SH3PXD2B: variants seen among roughly 807,000 people sequenced by gnomAD.
SH3PXD2B encodes SH3 and PX domain-containing protein 2B.
In SH3PXD2B, 37 loss-of-function variants were observed where a neutral mutation model predicts 73.1. The observed-to-expected ratio is 0.51, with a 90% CI of 0.39 to 0.67. SH3PXD2B has a LOEUF of 0.67. Among genes scored for constraint, SH3PXD2B ranks in the 30% least tolerant of loss-of-function variants. The pLI is 0.00. For missense variants in SH3PXD2B, 1,053 were observed against 1,197.8 expected (o/e 0.88, Z 1.78); for synonymous variants, 457 against 480.5 (o/e 0.95, Z 0.64).
intron 2 of SH3PXD2B, among the ~76,000 whole-genome samples, chr5:172,419,264 G>A (rs544159750): frequency 1.3e-4 from 20 of 152,182 alleles, no homozygotes; most frequent in African/African-American, 4.3e-4. Flanking sequence ...GGGCCTGGAC[G>A]CGTGCCTCGA....
intron 8 of SH3PXD2B, among the ~76,000 whole-genome samples, chr5:172,357,465 A>G (rs1436410156): frequency 6.6e-6 from 1 of 152,046 alleles, no homozygotes; most frequent in Non-Finnish European, 1.5e-5. Flanking sequence ...GAGGGAAGAA[A>G]ATAAATGTAC....
intron 9 of SH3PXD2B, among the ~76,000 whole-genome samples, chr5:172,352,414 A>G (rs976641924): frequency 1.1e-4 from 17 of 151,844 alleles, no homozygotes; most frequent in African/African-American, 3.9e-4. Context: ...TTATGTAGAG[A>G]TGGGATCATG....
chr5:172,400,569 C>A (rs183435179), intron 3 of SH3PXD2B, among the ~76,000 whole-genome samples: 1 of 152,334 alleles, frequency 6.6e-6, no homozygotes, highest in Non-Finnish European at 1.5e-5. Flanking sequence ...CATGTCTGGA[C>A]TGCAAGTATG....
Position 172,336,608 on chromosome 5 carries a change from C to T in SH3PXD2B, c.*1761G>A. 1 of 985,020 alleles carries T rather than the reference C, an allele frequency of 1.0e-6. No homozygotes were observed. The highest frequency in any genetic ancestry group is 1.2e-6 in the Non-Finnish European group (1 of 829,752). 61.0% of individuals were successfully genotyped at this position (985,020 alleles called of 1,614,324 possible). A position where few individuals can be genotyped will look rare whatever the true frequency, so the allele number is the denominator to read the frequency against. On this transcript the variant is annotated 3_prime_UTR_variant, in exon 13 of 13. Coordinates refer to ENST00000311601, the MANE Select transcript of SH3PXD2B (RefSeq NM_001017995.3). ...TTTGGCACTGCAGGTAGACACTGAG[C>T]ATCCCCCCAAAAAACTGGCTTTGTG...
chr5:172,332,585 C>G (rs187572248), downstream of SH3PXD2B, among the ~76,000 whole-genome samples: 1 of 79,960 alleles, frequency 1.3e-5, no homozygotes, highest in East Asian at 3.9e-4. Context: ...AATGGGGACA[C>G]AGATTAATAT....
intron 5 of SH3PXD2B, among the ~76,000 whole-genome samples, chr5:172,379,686 CA>C (rs1757899452): frequency 6.6e-6 from 1 of 152,186 alleles, no homozygotes; most frequent in Non-Finnish European, 1.5e-5. Flanking sequence ...GAGCAGCTGG[CA>C]AAGTCTTAGA....
intron 6 of SH3PXD2B, among the ~76,000 whole-genome samples, chr5:172,373,580 G>GCATCCATCCATC (rs10625047): frequency 7.1e-4 from 105 of 147,776 alleles, no homozygotes; most frequent in African/African-American, 1.5e-3. Context: ...AATCAATCAA[G>GCATCCATCCATC]CATCCATCCA....
At chr5:172,388,149 A>G (rs1758097508) in intron 4 of SH3PXD2B, among the ~76,000 whole-genome samples, 1 of 152,230 alleles carries the variant, frequency 6.6e-6, no homozygotes, top group South Asian at 2.1e-4. Flanking sequence ...ATACTGCACT[A>G]TGTTAACTAC....
Position 172,336,106 on chromosome 5 carries a change from C to A in SH3PXD2B, c.*2263G>T, listed in dbSNP as rs1209532975. 3.0e-6 allele frequency: 3 copies of A among 987,900 alleles called. No individual in the cohort carries two copies. The African/African-American group carries it at 5.2e-5, about 17-fold the overall frequency. The allele number at this position is 987,900 out of a possible 1,614,324, so 61.2% of individuals were successfully genotyped here. A position where few individuals can be genotyped will look rare whatever the true frequency, so the allele number is the denominator to read the frequency against. On this transcript the variant is annotated 3_prime_UTR_variant, in exon 13 of 13. Transcript: ENST00000311601. Reference sequence around the variant, plus strand: ...AAAGCTCTTCCAGCCAGGGATGGAGCCACACACATCCCAGTCTACTCAGCA... The same window carrying A: ...AAAGCTCTTCCAGCCAGGGATGGAGACACACACATCCCAGTCTACTCAGCA...
intron 2 of SH3PXD2B, among the ~76,000 whole-genome samples, chr5:172,408,194 A>C (rs187635747): frequency 2.0e-5 from 3 of 151,574 alleles, no homozygotes; most frequent in African/African-American, 7.3e-5. Flanking sequence ...CGCTAGCTAC[A>C]GGTTTATTAA....
At chr5:172,443,002 G>A (rs773097030) in intron 1 of SH3PXD2B, among the ~76,000 whole-genome samples, 4 of 152,014 alleles carry the variant, frequency 2.6e-5, no homozygotes, top group Non-Finnish European at 2.9e-5. Flanking sequence ...GGAAACCCAC[G>A]GACCCCTTCT....
At chr5:172,384,518 C>T (rs1483237394) in intron 4 of SH3PXD2B, among the ~76,000 whole-genome samples, 1 of 152,110 alleles carries the variant, frequency 6.6e-6, no homozygotes, top group Non-Finnish European at 1.5e-5. Flanking sequence ...CAACAACTAC[C>T]CTTCCACCCT....
intron 5 of SH3PXD2B, among the ~76,000 whole-genome samples, chr5:172,376,856 T>C (rs1757833490): frequency 6.6e-6 from 1 of 151,976 alleles, no homozygotes; most frequent in Admixed American, 6.6e-5. Flanking sequence ...CCCAGAGAGG[T>C]GAGGTACCAG....
intron 10 of SH3PXD2B, among the ~76,000 whole-genome samples, chr5:172,348,875 TA>T (rs930945163): frequency 2.4e-4 from 36 of 152,018 alleles, no homozygotes; most frequent in Admixed American, 9.2e-4. Flanking sequence ...CCCAGCTAAT[TA>T]AAAAAAATTT....
intron 1 of SH3PXD2B, among the ~76,000 whole-genome samples, chr5:172,444,418 G>A (rs969825082): frequency 1.3e-5 from 2 of 152,136 alleles, no homozygotes; most frequent in African/African-American, 4.8e-5. Flanking sequence ...TCTGTCACAT[G>A]CAATCCCAGA....
chr5:172,329,063 A>ATG (rs1338959354), downstream of SH3PXD2B, among the ~76,000 whole-genome samples: 1 of 82,018 alleles, frequency 1.2e-5, no homozygotes, highest in Non-Finnish European at 2.4e-5. Flanking sequence ...GTGTGTGTAT[A>ATG]TATATATATA....
intron 4 of SH3PXD2B, among the ~76,000 whole-genome samples, chr5:172,391,526 G>A (rs1758190275): frequency 6.6e-6 from 1 of 152,104 alleles, no homozygotes; most frequent in Non-Finnish European, 1.5e-5. Context: ...GCAGTGGCAC[G>A]ATCTTGGCTC....
intron 5 of SH3PXD2B, among the ~76,000 whole-genome samples, chr5:172,377,178 C>T (rs1420071020): frequency 6.6e-6 from 1 of 152,188 alleles, no homozygotes; most frequent in East Asian, 1.9e-4. Flanking sequence ...TGCGTTTGCT[C>T]AAGCAGGTGG....
intron 1 of SH3PXD2B, among the ~76,000 whole-genome samples, chr5:172,450,122 T>C (rs1281111464): frequency 1.3e-5 from 2 of 152,142 alleles, no homozygotes; most frequent in African/African-American, 2.4e-5. Context: ...TAATACTGCA[T>C]TGTGGTGACG....
Sources: gnomAD v4.1 joint callset for allele counts (sites outside exome capture counted in the v4.1 genomes callset) on GRCh38, gnomAD v4.1.1 for gene constraint, MANE v1.5 for transcripts, NCBI Gene and HGNC (gene_info 2026-07-23, HGNC 2026-07-21) for gene names.